Variants in PID1 observed in about 807,000 individuals in gnomAD.
The protein encoded by PID1 is phosphotyrosine interaction domain containing 1.
In PID1, 10 loss-of-function variants were observed where a neutral mutation model predicts 19.1. That is an observed-to-expected ratio of 0.52 (90% CI 0.32 to 0.89). PID1 has a LOEUF of 0.89. PID1 is among the 40% of genes least tolerant of loss of function. The pLI is 0.03. For synonymous variants in PID1, 130 were observed against 116.0 expected, an observed-to-expected ratio of 1.12 and a Z score of -0.78; for missense variants, 248 against 285.3, an observed-to-expected ratio of 0.87 and a Z score of 0.94.
chr2:229,031,972 A>AT (rs1230564881), intron 2 of PID1, among the ~76,000 whole-genome samples: 4 of 152,122 alleles, frequency 2.6e-5, no homozygotes, highest in Non-Finnish European at 5.9e-5. Context: ...TTCCCTCTTT[A>AT]TTTTTTTGTA....
intron 1 of PID1, among the ~76,000 whole-genome samples, chr2:229,172,618 C>G (rs1161226292): frequency 1.3e-5 from 2 of 152,096 alleles, no homozygotes; most frequent in Non-Finnish European, 2.9e-5. Context: ...TAGGGCCCAC[C>G]CTAATGATCT....
At chr2:229,105,801 TG>T (rs1271419440) in intron 2 of PID1, among the ~76,000 whole-genome samples, 2 of 152,170 alleles carry the variant, frequency 1.3e-5, no homozygotes, top group Non-Finnish European at 2.9e-5. Flanking sequence ...AGAACATGGC[TG>T]GGCACAGTGG....
At chr2:229,228,077 G>A (rs1328123372) in intron 1 of PID1, 5 of 455,790 alleles carry the variant, frequency 1.1e-5, no homozygotes, top group South Asian at 7.7e-5. Flanking sequence ...CAACCAAAAG[G>A]CAAATGCGTG....
chr2:229,054,732 G>A lies in PID1; in HGVS notation c.178-28624C>T, dbSNP rs1401697580. Among the ~76,000 whole-genome samples, 36 of 102,674 alleles carry A rather than the reference G, an allele frequency of 3.5e-4. 2 individuals carry two copies. The highest frequency in any genetic ancestry group is 1.3e-3 in the African/African-American group (34 of 26,542). 67.4% of individuals were successfully genotyped at this position (102,674 alleles called of 152,430 possible). Reference sequence around the variant, plus strand: ...TGTGTGTGTGTGTGGGGGGGGGGGGGGGTCTGGTTTTACTCAATTTGTACA... The same window carrying A: ...TGTGTGTGTGTGTGGGGGGGGGGGGAGGTCTGGTTTTACTCAATTTGTACA... On this transcript the variant is annotated intron_variant, in intron 2 of 2. Coordinates refer to ENST00000392055, the MANE Select transcript of PID1 (RefSeq NM_001100818.2).
rs34483286 is a variant in PID1, at chr2:229,025,887, G to A, written c.399C>T (p.Ile133=). The A allele has an allele frequency of 5.3e-4, 855 of 1,614,214 alleles. 4 individuals are homozygous for A. In the African/African-American group the frequency reaches 0.01, roughly 19 times the overall value. The change falls in exon 3 of 3, where the codon ATC becomes ATT. Residue 133 remains isoleucine (I), a synonymous_variant. Coordinates refer to ENST00000392055, the MANE Select transcript of PID1 (RefSeq NM_001100818.2). ...CGTTGTGGTCGGCGGTGCAGTAGGC[G>A]ATGCGGGCCACCTGGAAGGTATCCA... ...VHMDTFQVAR[I]AYCTADHNVS... is the part of the protein sequence containing the mutation.
chr2:229,047,243 C>A (rs943896672), intron 2 of PID1, among the ~76,000 whole-genome samples: 29 of 152,156 alleles, frequency 1.9e-4, no homozygotes, highest in African/African-American at 6.3e-4. Context: ...TTAGAATCAA[C>A]CCTGGAAAGG....
chr2:229,067,398 A>G (rs1694351639), intron 2 of PID1, among the ~76,000 whole-genome samples: 1 of 152,190 alleles, frequency 6.6e-6, no homozygotes, highest in African/African-American at 2.4e-5. Context: ...ATTATATATG[A>G]TGTGTCAGGT....
At chr2:229,113,138 C>A (rs1213744086) in intron 2 of PID1, among the ~76,000 whole-genome samples, 1 of 152,098 alleles carries the variant, frequency 6.6e-6, no homozygotes, top group South Asian at 2.1e-4. Flanking sequence ...ATCTACTGCA[C>A]AGCATGGCAT....
At chr2:229,068,129 A>C (rs184377798) in intron 2 of PID1, among the ~76,000 whole-genome samples, 1 of 152,310 alleles carries the variant, frequency 6.6e-6, no homozygotes, top group African/African-American at 2.4e-5. Flanking sequence ...TCAGCTGTGA[A>C]GCTGCCCACT....
At chr2:229,127,386 C>A (rs1445868347) in intron 2 of PID1, among the ~76,000 whole-genome samples, 1 of 152,118 alleles carries the variant, frequency 6.6e-6, no homozygotes, top group Non-Finnish European at 1.5e-5. Context: ...AGCAAGATTG[C>A]CGGTTTATTT....
chr2:229,255,099 T>C (rs996566144), intron 1 of PID1, among the ~76,000 whole-genome samples: 13 of 152,160 alleles, frequency 8.5e-5, no homozygotes, highest in African/African-American at 2.2e-4. Context: ...TGGAGAGCAA[T>C]AGACAACTGT....
At chr2:229,127,594 A>G (rs565655552) in intron 2 of PID1, among the ~76,000 whole-genome samples, 2 of 152,278 alleles carry the variant, frequency 1.3e-5, no homozygotes, top group Admixed American at 1.3e-4. Context: ...CACTACCGAC[A>G]TTTTGGGCTA....
intron 1 of PID1, among the ~76,000 whole-genome samples, chr2:229,193,764 TTA>T (rs763050834): frequency 4.0e-5 from 6 of 151,306 alleles, no homozygotes; most frequent in Admixed American, 6.6e-5. Flanking sequence ...TTAATAAAAA[TTA>T]TATCGTAGCC....
intron 2 of PID1, among the ~76,000 whole-genome samples, chr2:229,042,479 A>C (rs1319477177): frequency 6.6e-6 from 1 of 152,198 alleles, no homozygotes; most frequent in Non-Finnish European, 1.5e-5. Flanking sequence ...TTTGTGATCA[A>C]AATCCACCCT....
intron 2 of PID1, among the ~76,000 whole-genome samples, chr2:229,086,134 T>C (rs1285880169): frequency 6.6e-6 from 1 of 152,130 alleles, no homozygotes. Flanking sequence ...TTTTGGGTGA[T>C]TTCTTATTTG....
chr2:229,048,426 A>T (rs1028085598), intron 2 of PID1, among the ~76,000 whole-genome samples: 2 of 152,152 alleles, frequency 1.3e-5, no homozygotes, highest in Admixed American at 1.3e-4. Context: ...AGGGGACTTG[A>T]ATTCCCTTCT....
chr2:229,122,711 A>T (rs920109333), intron 2 of PID1, among the ~76,000 whole-genome samples: 1 of 152,168 alleles, frequency 6.6e-6, no homozygotes, highest in Non-Finnish European at 1.5e-5. Flanking sequence ...TTCATACAGC[A>T]TTTCAAACAA....
At chr2:229,131,670 C>T (rs1231128369) in intron 2 of PID1, among the ~76,000 whole-genome samples, 1 of 152,200 alleles carries the variant, frequency 6.6e-6, no homozygotes, top group Admixed American at 6.5e-5. Context: ...CAAAAGTCAT[C>T]ATCAAATATT....
intron 2 of PID1, among the ~76,000 whole-genome samples, chr2:229,149,973 C>T (rs1690214790): frequency 6.6e-6 from 1 of 152,078 alleles, no homozygotes. Flanking sequence ...GGTGGTGGCT[C>T]AGGTCTATAA....
Sources: allele counts gnomAD v4.1 joint callset (sites outside exome capture counted in the v4.1 genomes callset), GRCh38; gene constraint gnomAD v4.1.1; transcripts MANE v1.5; gene names NCBI Gene and HGNC (gene_info 2026-07-23, HGNC 2026-07-21).